The following CAMKMT variants were observed in gnomAD, a reference collection of about 807,000 sequenced individuals.
The protein encoded by CAMKMT is CaM KMT.
In CAMKMT, 53 loss-of-function variants were observed where a neutral mutation model predicts 48.0. The observed-to-expected ratio is 1.10, with a 90% CI of 0.89 to 1.39. CAMKMT has a LOEUF of 1.39. CAMKMT is among the 40% of genes most tolerant of loss of function. CAMKMT has a pLI of 0.00. For missense variants in CAMKMT, 428 were observed against 402.7 expected (o/e 1.06, Z -0.54); for synonymous variants, 165 against 152.3 (o/e 1.08, Z -0.61).
At chr2:44,406,491 T>TTGTG (rs34091267) in intron 3 of CAMKMT, among the ~76,000 whole-genome samples, 51 of 151,342 alleles carry the variant, frequency 3.4e-4, no homozygotes, top group Middle Eastern at 3.4e-3. Flanking sequence ...CCCAGTGTCT[T>TTGTG]TGTGTGTGTG....
At chr2:44,481,476 G>A (rs1183459505) in intron 3 of CAMKMT, among the ~76,000 whole-genome samples, 1 of 151,906 alleles carries the variant, frequency 6.6e-6, no homozygotes, top group Non-Finnish European at 1.5e-5. Context: ...TGAACACCAA[G>A]ATATGACAAG....
chr2:44,385,958 G>C (rs1558562880), intron 2 of CAMKMT, among the ~76,000 whole-genome samples: 1 of 152,022 alleles, frequency 6.6e-6, no homozygotes, highest in South Asian at 2.1e-4. Context: ...GTCTGTCCCT[G>C]GTTTTGGTAT....
chr2:44,558,995 A>T (rs1668178442), intron 3 of CAMKMT, among the ~76,000 whole-genome samples: 1 of 152,108 alleles, frequency 6.6e-6, no homozygotes, highest in African/African-American at 2.4e-5. Flanking sequence ...ATAGATAGAT[A>T]GATAGATAGA....
At chr2:44,409,224 GTATCCAGCCAGTGCT>G (rs1467107606) in intron 3 of CAMKMT, among the ~76,000 whole-genome samples, 1 of 149,576 alleles carries the variant, frequency 6.7e-6, no homozygotes, top group African/African-American at 2.4e-5. Context: ...ATTCAACGTA[GTATCCAGCCAGTGCT>G]TTGTTATGAA....
At chr2:44,526,897 A>G (rs1666141393) in intron 3 of CAMKMT, among the ~76,000 whole-genome samples, 1 of 152,076 alleles carries the variant, frequency 6.6e-6, no homozygotes, top group South Asian at 2.1e-4. Context: ...TCATACACAT[A>G]CCATACAATT....
intron 3 of CAMKMT, among the ~76,000 whole-genome samples, chr2:44,686,087 A>G (rs1676317270): frequency 6.6e-6 from 1 of 152,090 alleles, no homozygotes; most frequent in Non-Finnish European, 1.5e-5. Flanking sequence ...CTGAATAGTG[A>G]CTCTTCTATT....
intron 3 of CAMKMT, among the ~76,000 whole-genome samples, chr2:44,420,382 G>A (rs1683850947): frequency 6.6e-6 from 1 of 152,026 alleles, no homozygotes; most frequent in South Asian, 2.1e-4. Flanking sequence ...CAATATATAT[G>A]TAGAGATAAA....
intron 3 of CAMKMT, among the ~76,000 whole-genome samples, chr2:44,487,000 T>A (rs1201251529): frequency 1.3e-5 from 2 of 152,216 alleles, no homozygotes; most frequent in Non-Finnish European, 2.9e-5. Context: ...ATTTGATCAT[T>A]TTGGAACATG....
At chr2:44,512,712 A>G (rs1670630178) in intron 3 of CAMKMT, among the ~76,000 whole-genome samples, 1 of 152,258 alleles carries the variant, frequency 6.6e-6, no homozygotes, top group African/African-American at 2.4e-5. Context: ...AATCTGTATG[A>G]AATTTTGAAA....
chr2:44,433,694 A>G (rs575639491), intron 3 of CAMKMT, among the ~76,000 whole-genome samples: 1 of 152,362 alleles, frequency 6.6e-6, no homozygotes, highest in South Asian at 2.1e-4. Context: ...TTGGTATAGC[A>G]TGAACCACTA....
At chr2:44,546,136 G>T (rs1667382688) in intron 3 of CAMKMT, among the ~76,000 whole-genome samples, 2 of 136,874 alleles carry the variant, frequency 1.5e-5, no homozygotes, top group Admixed American at 7.3e-5. Flanking sequence ...TTTGGATCTG[G>T]CTATCTTAGA....
At chr2:44,690,686 A>G (rs1013852542) in intron 3 of CAMKMT, among the ~76,000 whole-genome samples, 2 of 152,172 alleles carry the variant, frequency 1.3e-5, no homozygotes, top group Admixed American at 1.3e-4. Flanking sequence ...GCCACTGCCA[A>G]TAATAATAGC....
intron 3 of CAMKMT, among the ~76,000 whole-genome samples, chr2:44,524,491 C>G (rs184100536): frequency 3.3e-5 from 5 of 151,516 alleles, no homozygotes; most frequent in Non-Finnish European, 7.4e-5. Context: ...TCTCTTCTTC[C>G]TCTTTCTTCT....
At chr2:44,583,076 T>C (rs6752168) in intron 3 of CAMKMT, among the ~76,000 whole-genome samples, 96,105 of 152,060 alleles carry the variant, frequency 0.63, 30,848 homozygotes, top group Admixed American at 0.69. Context: ...TATTTGGGTA[T>C]TGATCCTATT....
At chr2:44,554,553 T>G (rs1200056202) in intron 3 of CAMKMT, among the ~76,000 whole-genome samples, 1 of 152,064 alleles carries the variant, frequency 6.6e-6, no homozygotes, top group African/African-American at 2.4e-5. Context: ...CTGGGCAGCA[T>G]AGTGAGACCC....
chr2:44,555,066 G>C (rs961716019), intron 3 of CAMKMT, among the ~76,000 whole-genome samples: 4 of 152,154 alleles, frequency 2.6e-5, no homozygotes, highest in Non-Finnish European at 5.9e-5. Context: ...CGGAACTGTT[G>C]AAAAGGGTGG....
Position 44,682,685 on chromosome 2 carries a change from G to A in CAMKMT, c.377-21598G>A, listed in dbSNP as rs1676091685. On this transcript the variant is annotated intron_variant, in intron 3 of 10. Transcript: ENST00000378494. ...CACAGCCTCAGATAAATACCAAAGT[G>A]GAGATTTCAATCCTGTTCCTGAGTG... 2.0e-5 allele frequency among the ~76,000 whole-genome samples: 3 copies of A among 152,142 alleles called. No homozygotes were observed. In the South Asian group the frequency reaches 6.2e-4, roughly 32 times the overall value.
At chr2:44,471,632 T>G (rs891555217) in intron 3 of CAMKMT, among the ~76,000 whole-genome samples, 2 of 152,010 alleles carry the variant, frequency 1.3e-5, no homozygotes, top group African/African-American at 2.4e-5. Flanking sequence ...AGAAAGAACA[T>G]GACCTTGGAG....
intron 3 of CAMKMT, among the ~76,000 whole-genome samples, chr2:44,661,709 C>A (rs988070392): frequency 6.6e-6 from 1 of 152,174 alleles, no homozygotes; most frequent in African/African-American, 2.4e-5. Context: ...AACTATCAAG[C>A]ACTTCCCCAG....
Sources: allele counts gnomAD v4.1 joint callset (sites outside exome capture counted in the v4.1 genomes callset), GRCh38; gene constraint gnomAD v4.1.1; transcripts MANE v1.5; gene names NCBI Gene and HGNC (gene_info 2026-07-23, HGNC 2026-07-21).